VPS37C: variants seen among roughly 807,000 people sequenced by gnomAD.
VPS37C encodes vacuolar protein sorting-associated protein 37C.
VPS37C carries 9 observed loss-of-function variants against 16.1 expected under a neutral mutation model. The ratio of observed to expected loss-of-function variants is 0.56; its 90% CI spans 0.34 to 0.97. VPS37C has a LOEUF of 0.97. VPS37C is among the 50% of genes least tolerant of loss of function. VPS37C has a pLI of 0.02. For missense variants in VPS37C, 479 were observed against 472.7 expected (o/e 1.01, Z -0.12); for synonymous variants, 207 against 206.4 (o/e 1.00, Z -0.02).
chr11:61,135,603 TC>T (rs141823735), intron 2 of VPS37C, among the ~76,000 whole-genome samples: 10,331 of 152,188 alleles, frequency 0.068, 394 homozygotes, highest in Non-Finnish European at 0.1. Context: ...CTGGCTAAGT[TC>T]TTTTATTTTC....
At position 61,158,584 on chromosome 11, in the gene VPS37C, C is replaced by T. The variant is rs552600877; in HGVS notation, c.-7+2807G>A. 5.9e-5 allele frequency among the ~76,000 whole-genome samples: 9 copies of T among 152,276 alleles called. No individual in the cohort carries two copies. The East Asian group carries it at 1.5e-3, about 26-fold the overall frequency. ...GTAATCCTATAATGCTGACTTTATC[C>T]GTGACTAGTTGTAATCCTGCTTGAG... On this transcript the variant is annotated intron_variant, in intron 1 of 4. Transcript: ENST00000301765.
intron 1 of VPS37C, among the ~76,000 whole-genome samples, chr11:61,145,849 G>A (rs1853197887): frequency 6.6e-6 from 1 of 152,218 alleles, no homozygotes; most frequent in African/African-American, 2.4e-5. Context: ...TGGAGGGTGT[G>A]ACGAGTCCAA....
In VPS37C at chr11:61,130,761, T is replaced by C. The variant is rs1034267986; in HGVS notation, c.*1059A>G. 2 of 420,514 alleles carry C rather than the reference T, an allele frequency of 4.8e-6. No homozygotes were observed. The highest frequency in any genetic ancestry group is 4.3e-5 in the African/African-American group (2 of 46,944). 26.0% of individuals were successfully genotyped at this position (420,514 alleles called of 1,614,324 possible). ...CTGAAGACAGGGAGGTGTGAAAAAA[T>C]TGCCCCTAATGTAGTGATGGTGTTT... On this transcript the variant is annotated 3_prime_UTR_variant, in exon 5 of 5. Coordinates refer to ENST00000301765, the MANE Select transcript of VPS37C (RefSeq NM_017966.5).
chr11:61,140,101 C>G (rs937780419), intron 1 of VPS37C, among the ~76,000 whole-genome samples: 1 of 152,066 alleles, frequency 6.6e-6, no homozygotes. Context: ...TCAAAAGATT[C>G]CAGCACCACA....
intron 1 of VPS37C, among the ~76,000 whole-genome samples, chr11:61,145,743 C>G (rs1175396817): frequency 2.6e-5 from 4 of 152,220 alleles, no homozygotes; most frequent in African/African-American, 9.7e-5. Context: ...TGACACTTCT[C>G]AGAGTGACCC....
intron 1 of VPS37C, among the ~76,000 whole-genome samples, chr11:61,154,905 G>C (rs114464900): frequency 6.6e-6 from 1 of 151,972 alleles, no homozygotes; most frequent in African/African-American, 2.4e-5. Flanking sequence ...AGGAGTTTTC[G>C]ACCACCCTGG....
intron 1 of VPS37C, 99 bp downstream of exon 1, chr11:61,161,292 C>CG (rs1227734398): frequency 1.3e-5 from 2 of 151,904 alleles, no homozygotes; most frequent in Non-Finnish European, 2.9e-5. Context: ...GGCGGGCAGG[C>CG]GGGGGCGCTC....
intron 3 of VPS37C, 108 bp from the exon 4 acceptor site, chr11:61,133,445 G>T: frequency 2.6e-6 from 3 of 1,157,110 alleles, no homozygotes; most frequent in Non-Finnish European, 3.7e-6. Context: ...ACCACAGCAG[G>T]GTCCACCAAA....
intron 2 of VPS37C, among the ~76,000 whole-genome samples, chr11:61,135,415 G>A (rs1035130494): frequency 2.6e-5 from 4 of 152,234 alleles, no homozygotes; most frequent in Admixed American, 1.3e-4. Flanking sequence ...GTAGGGCCCA[G>A]GGTCTGTCCA....
Position 61,130,714 on chromosome 11 carries a change from C to A in VPS37C, c.*1106G>T. 2.5e-6 allele frequency: 1 copy of A among 403,144 alleles called. No homozygotes were observed. The highest frequency in any genetic ancestry group is 4.8e-6 in the Non-Finnish European group (1 of 209,236). 25.0% of individuals were successfully genotyped at this position (403,144 alleles called of 1,614,324 possible). A position where few individuals can be genotyped will look rare whatever the true frequency, so the allele number is the denominator to read the frequency against. ...CAGGGGGCTGCATATTAAACAGAGA[C>A]ATAATCCCCACCCTTTACATTCTGA... On this transcript the variant is annotated 3_prime_UTR_variant, in exon 5 of 5. Transcript: ENST00000301765.
chr11:61,130,542 G>A lies in VPS37C; in HGVS notation c.*1278C>T. On this transcript the variant is annotated 3_prime_UTR_variant, in exon 5 of 5. Coordinates refer to ENST00000301765, the MANE Select transcript of VPS37C (RefSeq NM_017966.5). ...CGTCCTCAGGTAGTGGACATTTCAA[G>A]GCACGTACAACTTCCTAAGCAATAG... 4.1e-6 allele frequency: 1 copy of A among 245,690 alleles called. No homozygotes were observed. Among genetic ancestry groups the A allele is most frequent in the Non-Finnish European group, 7.9e-6 (1 of 126,726 alleles). 15.2% of individuals were successfully genotyped at this position (245,690 alleles called of 1,614,324 possible). A position where few individuals can be genotyped will look rare whatever the true frequency, so the allele number is the denominator to read the frequency against.
chr11:61,131,989 G>A lies in VPS37C; in HGVS notation c.899C>T (p.Ser300Phe), dbSNP rs1861271658. 7 of 1,353,168 alleles carry A rather than the reference G, an allele frequency of 5.2e-6. No homozygotes were observed. The highest frequency in any genetic ancestry group is 6.7e-6 in the Non-Finnish European group (7 of 1,047,862). The allele number at this position is 1,353,168 out of a possible 1,614,324, so 83.8% of individuals were successfully genotyped here. Residue 300 changes from serine to phenylalanine, a missense_variant, in exon 5 of 5, where the codon TCC (serine) becomes TTC (phenylalanine). Coordinates refer to ENST00000301765, the MANE Select transcript of VPS37C (RefSeq NM_017966.5). ...TTTTCCTCCTGTTGCGGGGTATGGG[G>A]ACTGTTGAGGATAACCAGGACTGGG... Reference protein sequence around the residue: ...RAPSPGYPQQSPYPATGGKPP... With the variant: ...RAPSPGYPQQFPYPATGGKPP...
chr11:61,146,105 G>C (rs985662732), intron 1 of VPS37C, among the ~76,000 whole-genome samples: 3 of 152,244 alleles, frequency 2.0e-5, no homozygotes, highest in African/African-American at 7.2e-5. Flanking sequence ...AAGTGATGGA[G>C]ACAGGAAGGA....
In VPS37C at chr11:61,131,743, C is replaced by T. The variant is rs1861263137; in HGVS notation, c.*77G>A. On this transcript the variant is annotated 3_prime_UTR_variant, in exon 5 of 5. Coordinates refer to ENST00000301765, the MANE Select transcript of VPS37C (RefSeq NM_017966.5). ...AGCACCAACGCCACTTCCAGTTGAC[C>T]CTCGAATCTCGGCGATGGCTGGGCC... 3 of 1,233,910 alleles carry T rather than the reference C, an allele frequency of 2.4e-6. No individual in the cohort carries two copies. The highest frequency in any genetic ancestry group is 3.0e-6 in the Non-Finnish European group (3 of 988,726). The allele number at this position is 1,233,910 out of a possible 1,614,324, so 76.4% of individuals were successfully genotyped here. A position where few individuals can be genotyped will look rare whatever the true frequency, so the allele number is the denominator to read the frequency against.
intron 1 of VPS37C, among the ~76,000 whole-genome samples, chr11:61,158,469 A>G (rs985628058): frequency 3.9e-5 from 6 of 152,262 alleles, no homozygotes; most frequent in Admixed American, 2.6e-4. Context: ...CAGACCACAG[A>G]AGAAGTCTCA....
chr11:61,149,035 A>T (rs577974741), intron 1 of VPS37C, among the ~76,000 whole-genome samples: 1 of 152,360 alleles, frequency 6.6e-6, no homozygotes, highest in South Asian at 2.1e-4. Context: ...TAATCCCAGC[A>T]CTTTGGGAGG....
At chr11:61,153,275 T>C (rs988829108) in intron 1 of VPS37C, among the ~76,000 whole-genome samples, 3 of 152,222 alleles carry the variant, frequency 2.0e-5, no homozygotes, top group African/African-American at 7.2e-5. Context: ...GTTTTATAAG[T>C]GTTTGACAGT....
intron 4 of VPS37C, chr11:61,132,784 T>A: frequency 1.6e-6 from 1 of 607,850 alleles, no homozygotes; most frequent in Non-Finnish European, 2.8e-6. Flanking sequence ...CCTGGCACCT[T>A]GGCATCATGC....
chr11:61,139,585 TTGTC>T (rs1324737068), intron 1 of VPS37C, among the ~76,000 whole-genome samples: 1 of 152,046 alleles, frequency 6.6e-6, no homozygotes, highest in Admixed American at 6.6e-5. Context: ...GGGCCATCGA[TTGTC>T]TGTGTGGTAG....
Sources: gnomAD v4.1 joint callset for allele counts (sites outside exome capture counted in the v4.1 genomes callset) on GRCh38, gnomAD v4.1.1 for gene constraint, MANE v1.5 for transcripts, NCBI Gene and HGNC (gene_info 2026-07-23, HGNC 2026-07-21) for gene names.